Variants in CCDC148 observed in about 807,000 individuals in gnomAD.
CCDC148 encodes coiled-coil domain containing 148, also known as coiled-coil domain-containing protein 148.
In CCDC148, 89 loss-of-function variants were observed where a neutral mutation model predicts 85.7. The ratio of observed to expected loss-of-function variants is 1.04; its 90% CI spans 0.87 to 1.24. The LOEUF is 1.24. CCDC148 is among the 50% of genes most tolerant of loss of function. The probability of loss-of-function intolerance (pLI) is 0.00; values close to 1 mark genes in which losing one functional copy is unlikely to be tolerated. For missense variants in CCDC148, 692 were observed against 671.7 expected (o/e 1.03, Z -0.33); for synonymous variants, 230 against 213.9 (o/e 1.08, Z -0.66).
At chr2:158,314,018 T>A in intron 7 of CCDC148, 124 bp from the exon 8 acceptor site, 1 of 834,732 alleles carries the variant, frequency 1.2e-6, no homozygotes, top group Non-Finnish European at 1.8e-6. Flanking sequence ...GTATTTTAAA[T>A]ACATTAGCCA....
At chr2:158,265,613 A>G (rs927331700) in intron 9 of CCDC148, among the ~76,000 whole-genome samples, 1 of 152,164 alleles carries the variant, frequency 6.6e-6, no homozygotes, top group Non-Finnish European at 1.5e-5. Context: ...CACCAATTGT[A>G]CATCTCCCTT....
chr2:158,441,011 A>G (rs1687909598), intron 1 of CCDC148, among the ~76,000 whole-genome samples: 1 of 152,122 alleles, frequency 6.6e-6, no homozygotes, highest in Non-Finnish European at 1.5e-5. Flanking sequence ...ACCTGTAAAT[A>G]GCCACTGCAC....
chr2:158,269,242 T>C (rs1221129556), intron 9 of CCDC148, among the ~76,000 whole-genome samples: 4 of 152,298 alleles, frequency 2.6e-5, no homozygotes, highest in East Asian at 3.9e-4. Flanking sequence ...CTTGTCTTTT[T>C]GGTCATGCCA....
At chr2:158,438,768 C>G (rs1201820433) in intron 1 of CCDC148, among the ~76,000 whole-genome samples, 1 of 152,134 alleles carries the variant, frequency 6.6e-6, no homozygotes, top group Non-Finnish European at 1.5e-5. Flanking sequence ...TGAACTCCAA[C>G]AAATTTACAA....
intron 1 of CCDC148, among the ~76,000 whole-genome samples, chr2:158,385,770 G>T (rs1307122495): frequency 6.6e-6 from 1 of 152,100 alleles, no homozygotes; most frequent in African/African-American, 2.4e-5. Flanking sequence ...TTCTTGGGGA[G>T]CCCCAGCCTT....
intron 7 of CCDC148, among the ~76,000 whole-genome samples, chr2:158,332,074 G>A (rs1024610280): frequency 3.3e-5 from 5 of 152,144 alleles, no homozygotes; most frequent in South Asian, 2.1e-4. Context: ...TATTTTGCTC[G>A]TTAGTTGATG....
chr2:158,332,162 G>A (rs1693167723), intron 7 of CCDC148, among the ~76,000 whole-genome samples: 1 of 152,052 alleles, frequency 6.6e-6, no homozygotes, highest in Non-Finnish European at 1.5e-5. Context: ...TCCTTTCCAT[G>A]TTTAGTGTTT....
At chr2:158,208,278 G>C (rs904708751) in intron 11 of CCDC148, among the ~76,000 whole-genome samples, 1 of 152,170 alleles carries the variant, frequency 6.6e-6, no homozygotes, top group Non-Finnish European at 1.5e-5. Flanking sequence ...TGCTGTTTTA[G>C]GTATAGAAAG....
At chr2:158,351,233 C>A (rs1234725575) in intron 2 of CCDC148, among the ~76,000 whole-genome samples, 6 of 152,204 alleles carry the variant, frequency 3.9e-5, no homozygotes, top group African/African-American at 1.4e-4. Context: ...GACCATAGCC[C>A]AAGATGGCCG....
At chr2:158,409,840 G>T (rs548371310) in intron 1 of CCDC148, among the ~76,000 whole-genome samples, 1 of 152,292 alleles carries the variant, frequency 6.6e-6, no homozygotes, top group South Asian at 2.1e-4. Flanking sequence ...TTGTGGGAGG[G>T]ACCCGGTGGG....
intron 11 of CCDC148, among the ~76,000 whole-genome samples, chr2:158,180,805 C>G (rs1035741301): frequency 6.6e-6 from 1 of 152,064 alleles, no homozygotes; most frequent in African/African-American, 2.4e-5. Flanking sequence ...GAGGGAAGCA[C>G]ACAGTGGATC....
At chr2:158,364,540 G>A (rs1316780456) in intron 1 of CCDC148, among the ~76,000 whole-genome samples, 2 of 152,132 alleles carry the variant, frequency 1.3e-5, no homozygotes, top group African/African-American at 4.8e-5. Flanking sequence ...TGACAAACCT[G>A]TCAAAAACAA....
At chr2:158,223,849 A>C (rs1434264608) in intron 10 of CCDC148, among the ~76,000 whole-genome samples, 1 of 152,242 alleles carries the variant, frequency 6.6e-6, no homozygotes, top group South Asian at 2.1e-4. Flanking sequence ...CCAAAGGTAG[A>C]TAAAACCACA....
intron 2 of CCDC148, among the ~76,000 whole-genome samples, chr2:158,353,702 G>A (rs1231515656): frequency 6.6e-6 from 1 of 152,116 alleles, no homozygotes; most frequent in Non-Finnish European, 1.5e-5. Context: ...CCCAGGAATT[G>A]AACTCAGCTC....
chr2:158,284,969 C>G lies in CCDC148; in HGVS notation c.1110+24464G>C, dbSNP rs117878493. ...TTGAAAAATAAGCAAATATCAATTCCAAAACTGATAACTGATATTAAGAAT... is the reference window on the plus strand; with the variant it reads ...TTGAAAAATAAGCAAATATCAATTCGAAAACTGATAACTGATATTAAGAAT... On this transcript the variant is annotated intron_variant, in intron 9 of 13. Transcript: ENST00000283233. Among the ~76,000 whole-genome samples, 174 of 152,076 alleles carry G rather than the reference C, an allele frequency of 1.1e-3. 3 individuals are homozygous for G. The East Asian group carries it at 0.03, about 26-fold the overall frequency.
At chr2:158,243,573 T>C (rs1227272283) in intron 10 of CCDC148, among the ~76,000 whole-genome samples, 1 of 152,140 alleles carries the variant, frequency 6.6e-6, no homozygotes, top group African/African-American at 2.4e-5. Context: ...ACTCTTAAGC[T>C]TCCTGGAGGC....
chr2:158,425,206 A>G (rs1411137647), intron 1 of CCDC148: 1 of 534,904 alleles, frequency 1.9e-6, no homozygotes, highest in African/African-American at 1.9e-5. Context: ...AGGAACCATG[A>G]CTATGCACAG....
At chr2:158,235,036 T>C (rs1303203071) in intron 10 of CCDC148, among the ~76,000 whole-genome samples, 5 of 152,152 alleles carry the variant, frequency 3.3e-5, no homozygotes, top group Non-Finnish European at 7.4e-5. Flanking sequence ...CTAGGCTTAA[T>C]ACCTGGGTGA....
intron 10 of CCDC148, chr2:158,235,816 A>C (rs917119763): frequency 1.3e-5 from 2 of 152,222 alleles, no homozygotes; most frequent in African/African-American, 4.8e-5. Context: ...AATGCAGGGC[A>C]ACCGCAAGGG....
Sources: allele counts gnomAD v4.1 joint callset (sites outside exome capture counted in the v4.1 genomes callset), GRCh38; gene constraint gnomAD v4.1.1; transcripts MANE v1.5; gene names NCBI Gene and HGNC (gene_info 2026-07-23, HGNC 2026-07-21).